Variants in UGGT2 observed in about 807,000 individuals in gnomAD.
UGGT2 encodes UDP-glucose:glycoprotein glucosyltransferase 2.
Under a neutral mutation model 192.1 loss-of-function variants are expected in UGGT2, and 180 were observed. The ratio of observed to expected loss-of-function variants is 0.94; its 90% CI spans 0.83 to 1.06. The LOEUF is 1.06. UGGT2 is among the 50% of genes least tolerant of loss of function. The pLI, the probability that UGGT2 is intolerant of heterozygous loss-of-function variation, is 0.00. For synonymous variants in UGGT2, 580 were observed against 591.0 expected (o/e 0.98, Z 0.27); for missense variants, 1,849 against 1,795.7 (o/e 1.03, Z -0.54).
chr13:95,924,379 T>C (rs1341689790), intron 20 of UGGT2, among the ~76,000 whole-genome samples: 2 of 127,824 alleles, frequency 1.6e-5, no homozygotes, highest in Admixed American at 8.9e-5. Context: ...ATAGATGTAA[T>C]AGATCCCAAA....
chr13:95,911,548 C>A (rs1430949671), intron 20 of UGGT2, among the ~76,000 whole-genome samples: 1 of 152,178 alleles, frequency 6.6e-6, no homozygotes, highest in Non-Finnish European at 1.5e-5. Flanking sequence ...GAAGCTGAAT[C>A]TCTGAATAGA....
Position 95,927,244 on chromosome 13 carries a change from G to C in UGGT2, c.2070C>G (p.Asn690Lys). 2 of 1,612,046 alleles carry C rather than the reference G, an allele frequency of 1.2e-6. No homozygotes were observed. The highest frequency in any genetic ancestry group is 1.7e-6 in the Non-Finnish European group (2 of 1,178,672). Residue 690 changes from asparagine (N) to lysine (K), a missense_variant, in exon 18 of 39, where the codon AAC becomes AAG. Physicochemically the swap from Asn to Lys is moderately conservative, Grantham distance 94 (BLOSUM62 0). Coordinates refer to ENST00000376747, the MANE Select transcript of UGGT2 (RefSeq NM_020121.4). ...PRINTLILRT[N>K]QQYLNLISTS... ...TAGATATTAAATTGAGGTACTGCTG[G>C]TTAGTACGCAAAATCAAAGTATTTA...
intron 4 of UGGT2, among the ~76,000 whole-genome samples, chr13:96,017,494 C>T (rs938022986): frequency 1.3e-5 from 2 of 152,128 alleles, no homozygotes; most frequent in African/African-American, 4.8e-5. Context: ...ACTGCAGAAC[C>T]ATAAACCAAC....
At chr13:95,852,476 G>A (rs562419051) in intron 36 of UGGT2, among the ~76,000 whole-genome samples, 1 of 152,036 alleles carries the variant, frequency 6.6e-6, no homozygotes, top group Middle Eastern at 3.4e-3. Context: ...TGCTTTCATG[G>A]TTTTTCTCTC....
chr13:95,863,379 A>G (rs974085337), intron 31 of UGGT2: 20 of 324,956 alleles, frequency 6.2e-5, no homozygotes, highest in Non-Finnish European at 1.1e-4. Flanking sequence ...TTCTTCAAGG[A>G]GTATTTCCCA....
rs777484221 is a variant in UGGT2, at chr13:96,023,151, A to G, written c.374T>C (p.Ile125Thr). The change falls in exon 4 of 39, where the codon ATT (isoleucine) becomes ACT (threonine). Residue 125 changes from isoleucine to threonine, a missense_variant and splice_region_variant. By Grantham distance (89) the Ile-to-Thr change is moderately conservative (BLOSUM62 -1). Transcript: ENST00000376747. Reference protein sequence around the residue: ...YSPAIQMFQQIAADEPPPDGC... With the variant: ...YSPAIQMFQQTAADEPPPDGC... ...ATCTGGTGGTGGCTCATCAGCTGCA[A>G]TCTAAGATTTCAAAGATTATATTTA... 2.5e-6 allele frequency: 4 copies of G among 1,573,056 alleles called. No homozygotes were observed. The highest frequency in any genetic ancestry group is 3.5e-6 in the Non-Finnish European group (4 of 1,158,482).
chr13:95,960,478 C>T (rs550249158), intron 12 of UGGT2, among the ~76,000 whole-genome samples: 1 of 152,030 alleles, frequency 6.6e-6, no homozygotes, highest in East Asian at 1.9e-4. Context: ...AATTTTAAGA[C>T]AAGACTTTTG....
intron 36 of UGGT2, among the ~76,000 whole-genome samples, chr13:95,847,571 A>G (rs1008904729): frequency 6.6e-6 from 1 of 152,154 alleles, no homozygotes; most frequent in African/African-American, 2.4e-5. Context: ...ATCTTTTCAG[A>G]TTGGCTTCTT....
intron 4 of UGGT2, among the ~76,000 whole-genome samples, chr13:96,015,411 C>T (rs2052303775): frequency 6.6e-6 from 1 of 152,104 alleles, no homozygotes; most frequent in African/African-American, 2.4e-5. Flanking sequence ...TAAGGGCTCT[C>T]TACCATTTGC....
chr13:95,810,940 C>T (rs1262298647), intron 38 of UGGT2, among the ~76,000 whole-genome samples: 2 of 152,016 alleles, frequency 1.3e-5, no homozygotes, highest in Non-Finnish European at 2.9e-5. Context: ...CAAAAATGGG[C>T]AAAGGATCTC....
intron 36 of UGGT2, among the ~76,000 whole-genome samples, chr13:95,847,778 T>A (rs924432937): frequency 4.6e-5 from 7 of 152,238 alleles, no homozygotes; most frequent in African/African-American, 1.7e-4. Flanking sequence ...ATGTGCAGGT[T>A]TTTATGTAGC....
chr13:95,970,892 C>A (rs910912505), intron 11 of UGGT2, among the ~76,000 whole-genome samples: 7 of 152,116 alleles, frequency 4.6e-5, no homozygotes, highest in Admixed American at 2.6e-4. Context: ...CTTTAATGGG[C>A]TAGAACAGAA....
chr13:95,874,996 G>A (rs532535464), intron 29 of UGGT2, among the ~76,000 whole-genome samples: 1 of 152,066 alleles, frequency 6.6e-6, no homozygotes, highest in Admixed American at 6.6e-5. Flanking sequence ...TAGCCTAAGT[G>A]TAAATTTAAC....
intron 20 of UGGT2, among the ~76,000 whole-genome samples, chr13:95,922,813 A>G (rs1394732285): frequency 6.6e-6 from 1 of 152,126 alleles, no homozygotes. Flanking sequence ...ACAGAGCGAG[A>G]CCCCGTCTCA....
At position 95,895,211 on chromosome 13, in the gene UGGT2, T is replaced by A; in HGVS notation, c.2728A>T (p.Ile910Phe). 6.3e-7 allele frequency: 1 copy of A among 1,586,434 alleles called. No individual in the cohort carries two copies. The highest frequency in any genetic ancestry group is 1.4e-5 in the African/African-American group (1 of 73,528). ...FSNLGEKIKGIVENMGINANN... is the reference protein window; with the variant it reads ...FSNLGEKIKGFVENMGINANN... Reference sequence around the variant, plus strand: ...GCGTTGATTCCCATATTTTCAACAATGCCTTTAATTTTCTCTCCTAAATTA... The same window carrying A: ...GCGTTGATTCCCATATTTTCAACAAAGCCTTTAATTTTCTCTCCTAAATTA... The change falls in exon 23 of 39, where the codon ATT becomes TTT. Residue 910 changes from isoleucine (I) to phenylalanine (F), a missense_variant. By Grantham distance (21) the Ile-to-Phe change is conservative. Transcript: ENST00000376747.
chr13:95,986,257 G>T, intron 9 of UGGT2, 76 bp downstream of exon 9: 1 of 1,037,920 alleles, frequency 9.6e-7, no homozygotes, highest in South Asian at 1.4e-5. Flanking sequence ...CATGTTAAAT[G>T]AAATCAGCTA....
At chr13:96,022,160 T>A (rs1029338290) in intron 4 of UGGT2, among the ~76,000 whole-genome samples, 1 of 151,950 alleles carries the variant, frequency 6.6e-6, no homozygotes, top group African/African-American at 2.4e-5. Flanking sequence ...GACCATAATA[T>A]AAATATAATG....
At chr13:95,824,104 C>CT (rs1885777049) in intron 38 of UGGT2, among the ~76,000 whole-genome samples, 1 of 152,060 alleles carries the variant, frequency 6.6e-6, no homozygotes. Context: ...TTTAAGGAGG[C>CT]TAAAGATAGG....
At chr13:96,022,497 G>A (rs1018462257) in intron 4 of UGGT2, among the ~76,000 whole-genome samples, 3 of 151,546 alleles carry the variant, frequency 2.0e-5, no homozygotes, top group East Asian at 3.9e-4. Flanking sequence ...ATATATTACT[G>A]TTTAATAGAG....
Sources: gnomAD v4.1 joint callset for allele counts (sites outside exome capture counted in the v4.1 genomes callset) on GRCh38, gnomAD v4.1.1 for gene constraint, MANE v1.5 for transcripts, NCBI Gene and HGNC (gene_info 2026-07-23, HGNC 2026-07-21) for gene names.